Variants in CWC22 observed in about 807,000 individuals in gnomAD.
CWC22 encodes CWC22 spliceosome associated protein.
A neutral mutation model predicts 117.2 loss-of-function variants in CWC22; 53 were observed. The ratio of observed to expected loss-of-function variants is 0.45; its 90% CI spans 0.36 to 0.57. The LOEUF (loss-of-function observed/expected upper bound fraction) is 0.57, where lower values mean the gene tolerates loss of function less well. Ranked by LOEUF, CWC22 falls within the 20% of genes least tolerant of loss-of-function variation. The pLI is 0.00. For synonymous variants in CWC22, 360 were observed against 355.6 expected, an observed-to-expected ratio of 1.01 and a Z score of -0.14; for missense variants, 980 against 1,068.8, an observed-to-expected ratio of 0.92 and a Z score of 1.16.
At chr2:179,986,198 T>C (rs1184118650) in intron 4 of CWC22, among the ~76,000 whole-genome samples, 1 of 152,136 alleles carries the variant, frequency 6.6e-6, no homozygotes, top group East Asian at 1.9e-4. Context: ...CCAAGTTCTC[T>C]AAAGCTCAAG....
chr2:179,990,574 GAGAGAA>G (rs1262735358), intron 2 of CWC22, among the ~76,000 whole-genome samples: 2 of 151,388 alleles, frequency 1.3e-5, no homozygotes, highest in Non-Finnish European at 2.9e-5. Context: ...GAGAGAGAGA[GAGAGAA>G]AGAAGAAGGA....
intron 6 of CWC22, among the ~76,000 whole-genome samples, chr2:179,974,748 C>A (rs1687116162): frequency 6.6e-6 from 1 of 152,076 alleles, no homozygotes; most frequent in African/African-American, 2.4e-5. Flanking sequence ...TATACCCCCA[C>A]CTTTTTTGGA....
At chr2:180,001,544 G>A (rs901966536) in intron 1 of CWC22, among the ~76,000 whole-genome samples, 1 of 152,070 alleles carries the variant, frequency 6.6e-6, no homozygotes, top group Non-Finnish European at 1.5e-5. Flanking sequence ...TGGCCAGGCT[G>A]GTCTCAAACT....
At chr2:179,947,806 G>A (rs1686346847) in intron 19 of CWC22, among the ~76,000 whole-genome samples, 1 of 152,188 alleles carries the variant, frequency 6.6e-6, no homozygotes, top group Admixed American at 6.5e-5. Context: ...TGGAACAAAG[G>A]TGTAAAGATT....
intron 1 of CWC22, among the ~76,000 whole-genome samples, chr2:180,004,560 T>A (rs1437677214): frequency 1.3e-5 from 2 of 152,050 alleles, no homozygotes; most frequent in Non-Finnish European, 2.9e-5. Flanking sequence ...CCCTGCTGAT[T>A]TTTTTTGTAT....
intron 2 of CWC22, among the ~76,000 whole-genome samples, chr2:179,990,607 G>C (rs544020789): frequency 6.6e-6 from 1 of 152,062 alleles, no homozygotes; most frequent in Non-Finnish European, 1.5e-5. Flanking sequence ...AGGGAGAGGA[G>C]AGAGGAGAAG....
chr2:180,003,408 C>A (rs1687892574), intron 1 of CWC22, among the ~76,000 whole-genome samples: 1 of 152,194 alleles, frequency 6.6e-6, no homozygotes, highest in Admixed American at 6.5e-5. Flanking sequence ...ACCACTCTCT[C>A]CTGTCCCAAA....
rs775114521 is a variant in CWC22, at chr2:179,964,557, T to G, written c.1387A>C (p.Ile463Leu). The G allele has an allele frequency of 3.0e-5, 46 of 1,553,590 alleles. No homozygotes were observed. Among genetic ancestry groups the G allele is most frequent in the Non-Finnish European group, 3.9e-5 (44 of 1,139,840 alleles). ...GATATGATGCCTTACCTTGACTGAA[T>G]AGCAAGATAAATTGTACGACGAAAT... ...VSFRRTIYLA[I>L]QSSLDFEECA... The change falls in exon 13 of 20, where the codon ATT becomes CTT. Residue 463 changes from isoleucine (I) to leucine (L), a missense_variant. Ile to Leu is a conservative substitution (Grantham distance 5). This residue lies in a region of CWC22 where 559 missense variants were observed against 602.3 expected (regional missense o/e 0.93). Coordinates refer to ENST00000410053, the MANE Select transcript of CWC22 (RefSeq NM_020943.3).
chr2:179,989,235 A>G (rs928605704), intron 2 of CWC22, among the ~76,000 whole-genome samples: 3 of 88,058 alleles, frequency 3.4e-5, no homozygotes, highest in African/African-American at 1.2e-4. Context: ...CTTCTATGTA[A>G]TAAGTTATAA....
intron 1 of CWC22, among the ~76,000 whole-genome samples, chr2:179,995,980 A>T (rs1448129719): frequency 6.6e-6 from 1 of 152,196 alleles, no homozygotes; most frequent in Non-Finnish European, 1.5e-5. Context: ...TTGTTCCCAC[A>T]TCTCTGACTA....
chr2:179,950,281 C>A (rs542584051), intron 19 of CWC22, among the ~76,000 whole-genome samples: 2 of 152,030 alleles, frequency 1.3e-5, no homozygotes, highest in Non-Finnish European at 2.9e-5. Context: ...TAAGTATCTG[C>A]GAATGAAATA....
At chr2:179,963,718 T>C (rs1021420493) in intron 13 of CWC22, among the ~76,000 whole-genome samples, 5 of 152,344 alleles carry the variant, frequency 3.3e-5, no homozygotes, top group Non-Finnish European at 7.3e-5. Context: ...TTTTGCTGTT[T>C]AACGTTCCTC....
chr2:179,978,752 G>T (rs1367476758), intron 5 of CWC22, among the ~76,000 whole-genome samples: 1 of 152,010 alleles, frequency 6.6e-6, no homozygotes. Flanking sequence ...AAAAAAATTT[G>T]TATGTCCCTT....
At chr2:179,999,616 G>A (rs931338923) in intron 1 of CWC22, among the ~76,000 whole-genome samples, 8 of 152,152 alleles carry the variant, frequency 5.3e-5, no homozygotes, top group Admixed American at 6.5e-5. Flanking sequence ...GATGATTTCC[G>A]TAGCAAAACA....
At chr2:179,994,575 A>T (rs921163994) in intron 1 of CWC22, among the ~76,000 whole-genome samples, 1 of 152,202 alleles carries the variant, frequency 6.6e-6, no homozygotes, top group East Asian at 1.9e-4. Context: ...ATGGGGATGT[A>T]TACGAATTAC....
chr2:179,989,229 T>A (rs1388505774), intron 2 of CWC22, among the ~76,000 whole-genome samples: 1 of 131,964 alleles, frequency 7.6e-6, no homozygotes, highest in Non-Finnish European at 1.6e-5. Context: ...ATTTTACTTC[T>A]ATGTAATAAG....
At chr2:179,948,249 A>C (rs1379199615) in intron 19 of CWC22, among the ~76,000 whole-genome samples, 1 of 152,198 alleles carries the variant, frequency 6.6e-6, no homozygotes, top group Non-Finnish European at 1.5e-5. Context: ...TTTAACCCAC[A>C]GGATAAGATA....
intron 14 of CWC22, among the ~76,000 whole-genome samples, chr2:179,958,234 G>A (rs976145739): frequency 6.6e-6 from 1 of 151,086 alleles, no homozygotes; most frequent in Non-Finnish European, 1.5e-5. Context: ...GGGAGGTTGA[G>A]GCAGGAGAAT....
chr2:179,948,016 G>C (rs1387777565), intron 19 of CWC22, among the ~76,000 whole-genome samples: 1 of 152,174 alleles, frequency 6.6e-6, no homozygotes, highest in Non-Finnish European at 1.5e-5. Flanking sequence ...CTGTGAACCA[G>C]ATCAAACTTT....
Sources: allele counts gnomAD v4.1 joint callset (sites outside exome capture counted in the v4.1 genomes callset), GRCh38; gene constraint gnomAD v4.1.1; regional missense constraint gnomAD v4.1.1; transcripts MANE v1.5; gene names NCBI Gene and HGNC (gene_info 2026-07-23, HGNC 2026-07-21).